The following NELL1 variants were observed in gnomAD, a reference collection of about 807,000 sequenced individuals.
NELL1 encodes neural EGFL like 1.
A neutral mutation model predicts 107.4 loss-of-function variants in NELL1; 76 were observed. The ratio of observed to expected loss-of-function variants is 0.71; its 90% CI spans 0.59 to 0.86. The LOEUF is 0.86. NELL1 is among the 40% of genes least tolerant of loss of function. The probability of loss-of-function intolerance (pLI) is 0.00; values close to 1 mark genes in which losing one functional copy is unlikely to be tolerated. For synonymous variants in NELL1, 353 were observed against 341.2 expected (o/e 1.03, Z -0.38); for missense variants, 1,024 against 1,005.5 (o/e 1.02, Z -0.25).
At chr11:21,205,416 G>A (rs1857368166) in intron 13 of NELL1, among the ~76,000 whole-genome samples, 1 of 152,154 alleles carries the variant, frequency 6.6e-6, no homozygotes, top group Admixed American at 6.5e-5. Context: ...ACACCGTGAG[G>A]GTAAAACCTA....
chr11:21,448,386 C>G (rs1564898954), intron 15 of NELL1, among the ~76,000 whole-genome samples: 1 of 152,060 alleles, frequency 6.6e-6, no homozygotes, highest in Non-Finnish European at 1.5e-5. Context: ...TTGTTCTACC[C>G]AGTGATTCTG....
intron 15 of NELL1, among the ~76,000 whole-genome samples, chr11:21,507,791 T>TC (rs1173486289): frequency 3.3e-5 from 5 of 149,790 alleles, no homozygotes; most frequent in African/African-American, 1.0e-4. Flanking sequence ...TCTTTTCTTT[T>TC]TTTTTTTTGA....
chr11:21,233,581 G>A (rs1391789350), intron 14 of NELL1, among the ~76,000 whole-genome samples: 1 of 152,142 alleles, frequency 6.6e-6, no homozygotes, highest in African/African-American at 2.4e-5. Flanking sequence ...TTAATAAATA[G>A]ACTAAAGTCA....
rs144186497 is a variant in NELL1 at position 21,255,501 on chromosome 11, G to T, written c.1549+26047G>T. Reference sequence around the variant, plus strand: ...GAAGAATTAGAATGCAATTTGGCAAGATTGCATTCAGGCAAACATCTGGGG... The same window carrying T: ...GAAGAATTAGAATGCAATTTGGCAATATTGCATTCAGGCAAACATCTGGGG... On this transcript the variant is annotated intron_variant, in intron 14 of 19. Coordinates refer to ENST00000357134, the MANE Select transcript of NELL1 (RefSeq NM_006157.5). 2.9e-3 allele frequency among the ~76,000 whole-genome samples: 434 copies of T among 152,094 alleles called. 1 individual carries two copies. Among genetic ancestry groups the T allele is most frequent in the African/African-American group, 9.8e-3 (408 of 41,508 alleles).
At chr11:21,284,704 T>G (rs1268143388) in intron 14 of NELL1, 2 of 353,742 alleles carry the variant, frequency 5.7e-6, no homozygotes, top group Admixed American at 7.4e-5. Context: ...TATGCAGTGT[T>G]TGAGACAGCT....
chr11:21,053,296 G>T (rs1236858736), intron 12 of NELL1, among the ~76,000 whole-genome samples: 1 of 152,046 alleles, frequency 6.6e-6, no homozygotes, highest in Non-Finnish European at 1.5e-5. Flanking sequence ...ACAGGCCCCA[G>T]TGTGTGATGT....
intron 12 of NELL1, among the ~76,000 whole-genome samples, chr11:20,982,505 G>C (rs534772829): frequency 6.6e-6 from 1 of 152,140 alleles, no homozygotes; most frequent in Non-Finnish European, 1.5e-5. Context: ...AAAACCCCAG[G>C]TTCCTTAGTT....
chr11:20,975,055 G>T (rs906965873), intron 12 of NELL1, among the ~76,000 whole-genome samples: 1 of 151,886 alleles, frequency 6.6e-6, no homozygotes, highest in Non-Finnish European at 1.5e-5. Context: ...TGTCACTCAT[G>T]CTGGAGTGCA....
chr11:20,764,837 T>A (rs1215464024), intron 2 of NELL1, among the ~76,000 whole-genome samples: 1 of 151,898 alleles, frequency 6.6e-6, no homozygotes, highest in African/African-American at 2.4e-5. Flanking sequence ...AAATCTCCAA[T>A]CAAGGAATGA....
intron 3 of NELL1, among the ~76,000 whole-genome samples, chr11:20,841,901 T>G (rs1356189746): frequency 6.6e-6 from 1 of 152,188 alleles, no homozygotes; most frequent in African/African-American, 2.4e-5. Context: ...GGTTTAAGAT[T>G]GCAACTCAAG....
At chr11:20,827,324 A>G (rs986064735) in intron 3 of NELL1, among the ~76,000 whole-genome samples, 2 of 151,274 alleles carry the variant, frequency 1.3e-5, no homozygotes, top group Non-Finnish European at 3.0e-5. Context: ...AGCAGGAGAA[A>G]GTAAGTCTTT....
At chr11:21,485,265 G>A (rs1465219790) in intron 15 of NELL1, among the ~76,000 whole-genome samples, 1 of 152,066 alleles carries the variant, frequency 6.6e-6, no homozygotes, top group Non-Finnish European at 1.5e-5. Context: ...GAGAAAGAGG[G>A]GAAGCCAGGC....
At chr11:21,266,435 G>T (rs191133053) in intron 14 of NELL1, among the ~76,000 whole-genome samples, 12 of 152,124 alleles carry the variant, frequency 7.9e-5, no homozygotes, top group Admixed American at 2.0e-4. Context: ...TGGCTCTGCA[G>T]CTCATGCTTT....
intron 14 of NELL1, among the ~76,000 whole-genome samples, chr11:21,256,047 C>T (rs1425959800): frequency 6.6e-6 from 1 of 151,994 alleles, no homozygotes; most frequent in Non-Finnish European, 1.5e-5. Context: ...GCTGTCTCCC[C>T]TCCCAGGCTG....
chr11:20,939,899 CT>C (rs1406414236), intron 10 of NELL1, among the ~76,000 whole-genome samples: 1 of 152,142 alleles, frequency 6.6e-6, no homozygotes, highest in Non-Finnish European at 1.5e-5. Context: ...TACACAAACT[CT>C]CTAAAACTTA....
At chr11:21,107,832 C>A (rs1336059810) in intron 12 of NELL1, among the ~76,000 whole-genome samples, 1 of 152,122 alleles carries the variant, frequency 6.6e-6, no homozygotes, top group East Asian at 1.9e-4. Flanking sequence ...AAACCAAGGT[C>A]TTGAGAAGAA....
chr11:21,571,788 T>C (rs1386838282), intron 18 of NELL1, among the ~76,000 whole-genome samples: 1 of 151,848 alleles, frequency 6.6e-6, no homozygotes, highest in African/African-American at 2.4e-5. Context: ...CTAGGACACA[T>C]TGTCATGGAA....
At chr11:21,231,961 G>A (rs916937382) in intron 14 of NELL1, among the ~76,000 whole-genome samples, 2 of 151,642 alleles carry the variant, frequency 1.3e-5, no homozygotes, top group Non-Finnish European at 2.9e-5. Context: ...TCTTTACACT[G>A]GCTTTCATTA....
rs1315884101 is a variant in NELL1 at position 21,575,164 on chromosome 11, G to A, written c.*142G>A. 2.7e-5 allele frequency: 20 copies of A among 736,306 alleles called. No individual in the cohort carries two copies. Among genetic ancestry groups the A allele is most frequent in the South Asian group, 1.4e-4 (8 of 58,720 alleles). 45.6% of individuals were successfully genotyped at this position (736,306 alleles called of 1,614,324 possible). ...TTGCCAAAGTTTCCACCTGAGGACG[G>A]TGTTTGGAGGTTGCCTTTTGGACCT... On this transcript the variant is annotated 3_prime_UTR_variant, in exon 20 of 20. Coordinates refer to ENST00000357134, the MANE Select transcript of NELL1 (RefSeq NM_006157.5).
Sources: gnomAD v4.1 joint callset for allele counts (sites outside exome capture counted in the v4.1 genomes callset) on GRCh38, gnomAD v4.1.1 for gene constraint, MANE v1.5 for transcripts, NCBI Gene and HGNC (gene_info 2026-07-23, HGNC 2026-07-21) for gene names.